The following CENPK variants were observed in gnomAD, a reference collection of about 807,000 sequenced individuals.
CENPK encodes SoxLZ/Sox6-binding protein Solt.
CENPK carries 46 observed loss-of-function variants against 40.9 expected under a neutral mutation model. The observed-to-expected ratio is 1.13, with a 90% CI of 0.89 to 1.44. The LOEUF (loss-of-function observed/expected upper bound fraction) is 1.44. Ranked by LOEUF, CENPK falls within the 40% of genes most tolerant of loss-of-function variation. CENPK has a pLI of 0.00. For synonymous variants in CENPK, 107 were observed against 104.4 expected (o/e 1.02, Z -0.15); for missense variants, 288 against 303.5 (o/e 0.95, Z 0.38).
chr5:65,521,369 T>C, intron 10 of CENPK, 106 bp downstream of exon 10: 4 of 715,220 alleles, frequency 5.6e-6, no homozygotes, highest in Non-Finnish European at 9.6e-6. Context: ...GATTGATGCA[T>C]ACTTTAAGAA....
chr5:65,561,288 T>C (rs184495501), intron 2 of CENPK, 175 bp downstream of exon 2: 2 of 214,950 alleles, frequency 9.3e-6, no homozygotes, highest in African/African-American at 4.5e-5. Flanking sequence ...CAAACATAAA[T>C]ATTTCTTTAC....
At chr5:65,497,544 C>T in the CENPK span, among the ~76,000 whole-genome samples, 1 of 152,138 alleles carries the variant, frequency 6.6e-6, no homozygotes, top group Non-Finnish European at 1.5e-5. Context: ...GTAACCTAGT[C>T]TCAGAAGTGA....
At chr5:65,546,315 T>G (rs186203552) in intron 5 of CENPK, among the ~76,000 whole-genome samples, 80 of 148,204 alleles carry the variant, frequency 5.4e-4, no homozygotes, top group African/African-American at 2.0e-3. Context: ...TGTTCTAATT[T>G]TAACAAATAT....
the CENPK span, among the ~76,000 whole-genome samples, chr5:65,504,017 A>G: frequency 6.6e-6 from 1 of 152,026 alleles, no homozygotes; most frequent in East Asian, 1.9e-4. Context: ...TGTAATATGC[A>G]ACTGTCCTGA....
rs1581039280 is a variant in CENPK, at chr5:65,545,996, G to C, written c.242-3148C>G. Reference sequence around the variant, plus strand: ...GATAACTGTAGAATCTGGTCTCTGAGTTTACTACAGTTAACTCTCTATATA... The same window carrying C: ...GATAACTGTAGAATCTGGTCTCTGACTTTACTACAGTTAACTCTCTATATA... On this transcript the variant is annotated intron_variant, in intron 5 of 10. Transcript: ENST00000396679. 2.0e-5 allele frequency among the ~76,000 whole-genome samples: 3 copies of C among 152,286 alleles called. No homozygotes were observed. The South Asian group carries it at 6.2e-4, about 32-fold the overall frequency.
chr5:65,510,499 G>A, the CENPK span, among the ~76,000 whole-genome samples: 1 of 152,192 alleles, frequency 6.6e-6, no homozygotes, highest in African/African-American at 2.4e-5. Flanking sequence ...TGGCGTCCGG[G>A]CACGGTGGCT....
At chr5:65,536,174 T>G (rs1010108229) in intron 6 of CENPK, among the ~76,000 whole-genome samples, 2 of 152,174 alleles carry the variant, frequency 1.3e-5, no homozygotes, top group African/African-American at 4.8e-5. Context: ...TGCATCAAGT[T>G]TGGATTCTGG....
chr5:65,530,098 C>T (rs559763065), intron 6 of CENPK, among the ~76,000 whole-genome samples: 3 of 152,266 alleles, frequency 2.0e-5, no homozygotes, highest in East Asian at 3.9e-4. Flanking sequence ...CCACCACGCC[C>T]GGCCCCAGGT....
chr5:65,538,893 A>C (rs1417008453), intron 6 of CENPK, among the ~76,000 whole-genome samples: 1 of 152,178 alleles, frequency 6.6e-6, no homozygotes, highest in Non-Finnish European at 1.5e-5. Flanking sequence ...TTAAAGAAAT[A>C]GCCTTGATTT....
the CENPK span, among the ~76,000 whole-genome samples, chr5:65,497,249 T>A: frequency 1.3e-5 from 2 of 151,352 alleles, no homozygotes; most frequent in Non-Finnish European, 1.5e-5. Context: ...ATGCTTGTAA[T>A]CCCAGCTACT....
chr5:65,556,358 C>T (rs867472864), intron 2 of CENPK, among the ~76,000 whole-genome samples: 12 of 151,858 alleles, frequency 7.9e-5, no homozygotes, highest in African/African-American at 2.7e-4. Flanking sequence ...TCCTGTAGCC[C>T]AAGCTGCTCA....
At chr5:65,534,415 G>C (rs961637019) in intron 6 of CENPK, among the ~76,000 whole-genome samples, 2 of 151,956 alleles carry the variant, frequency 1.3e-5, no homozygotes, top group African/African-American at 4.8e-5. Context: ...ATTTTGAAAA[G>C]AACAACAAAG....
At chr5:65,514,721 A>T (rs1742746936), downstream of CENPK, among the ~76,000 whole-genome samples, 1 of 152,192 alleles carries the variant, frequency 6.6e-6, no homozygotes, top group Non-Finnish European at 1.5e-5. Context: ...GGAAGCTCAT[A>T]ATTGATTCAA....
At chr5:65,502,709 C>G in the CENPK span, among the ~76,000 whole-genome samples, 1 of 152,064 alleles carries the variant, frequency 6.6e-6, no homozygotes, top group Non-Finnish European at 1.5e-5. Context: ...CTATTGGGCT[C>G]TAACAATCCT....
chr5:65,521,540 A>T lies in CENPK; in HGVS notation c.598-12T>A, dbSNP rs1484791604. The stretch of plus-strand genomic sequence containing the variant: ...TCTTGAATGTTTTTCTTCAAGAGAA[A>T]TGTGAATAACAAACAATTACCACTT... On this transcript the variant is annotated splice_polypyrimidine_tract_variant and intron_variant, in intron 9 of 10. Coordinates refer to ENST00000396679, the MANE Select transcript of CENPK (RefSeq NM_022145.5). 1.3e-6 allele frequency: 2 copies of T among 1,570,092 alleles called. No individual in the cohort carries two copies. Among genetic ancestry groups the T allele is most frequent in the Non-Finnish European group, 1.8e-6 (2 of 1,142,078 alleles).
chr5:65,540,755 T>C (rs977272843), intron 6 of CENPK, among the ~76,000 whole-genome samples: 3 of 151,832 alleles, frequency 2.0e-5, no homozygotes, highest in African/African-American at 7.3e-5. Flanking sequence ...TCCATGTCCC[T>C]TCCACCATGA....
At chr5:65,516,254 C>T (rs2150323103), downstream of CENPK, among the ~76,000 whole-genome samples, 1 of 152,304 alleles carries the variant, frequency 6.6e-6, no homozygotes, top group African/African-American at 2.4e-5. Flanking sequence ...TGCACTGTGG[C>T]AGTATCTGTG....
intron 6 of CENPK, among the ~76,000 whole-genome samples, chr5:65,538,642 G>A (rs972638924): frequency 5.3e-5 from 8 of 151,948 alleles, no homozygotes; most frequent in Non-Finnish European, 8.8e-5. Flanking sequence ...AAAAAACTAG[G>A]GACCTCTGCA....
At chr5:65,514,255 TTTTTTTAGTTTTTTTTAG>T (rs1742701620), downstream of CENPK, among the ~76,000 whole-genome samples, 21 of 31,060 alleles carry the variant, frequency 6.8e-4, no homozygotes, top group Non-Finnish European at 9.5e-4. Flanking sequence ...TTTTTTTTTT[TTTTTTTAGTTTTTTTTAG>T]TTTTTTTTGA....
Sources: gnomAD v4.1 joint callset for allele counts (sites outside exome capture counted in the v4.1 genomes callset) on GRCh38, gnomAD v4.1.1 for gene constraint, MANE v1.5 for transcripts, NCBI Gene and HGNC (gene_info 2026-07-23, HGNC 2026-07-21) for gene names.